GRAMD1B: variants seen among roughly 807,000 people sequenced by gnomAD.
GRAMD1B encodes the protein protein Aster-B.
Under a neutral mutation model 99.7 loss-of-function variants are expected in GRAMD1B, and 37 were observed. That is an observed-to-expected ratio of 0.37 (90% CI 0.29 to 0.49). The LOEUF (loss-of-function observed/expected upper bound fraction) is 0.49, where lower values mean the gene tolerates loss of function less well. Ranked by LOEUF, GRAMD1B falls within the 20% of genes least tolerant of loss-of-function variation. The pLI, the probability that GRAMD1B is intolerant of heterozygous loss-of-function variation, is 0.98. For synonymous variants in GRAMD1B, 427 were observed against 387.6 expected, an observed-to-expected ratio of 1.10 and a Z score of -1.19; for missense variants, 888 against 1,009.2, an observed-to-expected ratio of 0.88 and a Z score of 1.63.
intron 11 of GRAMD1B, 30 bp from the exon 12 acceptor site, chr11:123,608,629 G>A (rs1336500856): frequency 6.4e-7 from 1 of 1,571,466 alleles, no homozygotes; most frequent in Non-Finnish European, 8.6e-7. Flanking sequence ...CGCTGTCACT[G>A]TCTACTTCCT....
chr11:123,541,706 T>G (rs563639383), intron 2 of GRAMD1B, among the ~76,000 whole-genome samples: 1 of 152,290 alleles, frequency 6.6e-6, no homozygotes, highest in South Asian at 2.1e-4. Flanking sequence ...CTATATAAGT[T>G]TGTTGGTTTG....
At chr11:123,472,748 T>G (rs1255163317) in intron 1 of GRAMD1B, among the ~76,000 whole-genome samples, 3 of 152,152 alleles carry the variant, frequency 2.0e-5, no homozygotes, top group African/African-American at 7.2e-5. Context: ...GGCTGGCCAC[T>G]CCACCCTAAT....
At chr11:123,452,022 C>T (rs914505136) in intron 1 of GRAMD1B, among the ~76,000 whole-genome samples, 1 of 152,156 alleles carries the variant, frequency 6.6e-6, no homozygotes, top group East Asian at 1.9e-4. Context: ...TTTATAGAGA[C>T]AGGGTCTCAC....
chr11:123,560,974 G>A (rs1464561451), intron 2 of GRAMD1B, among the ~76,000 whole-genome samples: 1 of 152,144 alleles, frequency 6.6e-6, no homozygotes. Context: ...ACATCATGCT[G>A]CAGAGATGCC....
At chr11:123,560,522 A>G in intron 2 of GRAMD1B, 1 of 1,269,250 alleles carries the variant, frequency 7.9e-7, no homozygotes. Flanking sequence ...TGGGATGGTC[A>G]TGGAGGTGAG....
chr11:123,423,597 A>G (rs757486189), intron 1 of GRAMD1B, among the ~76,000 whole-genome samples: 1 of 152,174 alleles, frequency 6.6e-6, no homozygotes, highest in Non-Finnish European at 1.5e-5. Context: ...TGACCACTCT[A>G]CTGAAATTGT....
chr11:123,514,588 A>G (rs940713409), intron 2 of GRAMD1B, among the ~76,000 whole-genome samples: 3 of 152,224 alleles, frequency 2.0e-5, no homozygotes, highest in Non-Finnish European at 2.9e-5. Flanking sequence ...GGGCACGACA[A>G]GTAGCTTGGC....
intron 1 of GRAMD1B, among the ~76,000 whole-genome samples, chr11:123,441,538 T>G (rs186996285): frequency 6.6e-6 from 1 of 152,126 alleles, no homozygotes; most frequent in East Asian, 1.9e-4. Context: ...TCCCAGAATT[T>G]TGGGAGGCCA....
At chr11:123,614,884 C>G in intron 17 of GRAMD1B, 49 bp downstream of exon 17, 1 of 1,075,514 alleles carries the variant, frequency 9.3e-7, no homozygotes, top group Non-Finnish European at 1.4e-6. Flanking sequence ...CTTCCCTTTC[C>G]AGCCTGGTGC....
In GRAMD1B at chr11:123,616,686, G is replaced by T. The variant is rs151125749; in HGVS notation, c.2318+1851G>T. The stretch of plus-strand genomic sequence containing the variant: ...AGCACAGCTTGCCCTGTGTCTGGCA[G>T]GCTCTTGCCCCCACATGCCTGCTGC... On this transcript the variant is annotated intron_variant, in intron 17 of 19. Transcript: ENST00000635736. Among the ~76,000 whole-genome samples, 301 of 152,370 alleles carry T rather than the reference G, an allele frequency of 2.0e-3. 2 individuals carry two copies. Among genetic ancestry groups the T allele is most frequent in the African/African-American group, 7.1e-3 (294 of 41,588 alleles).
intron 1 of GRAMD1B, among the ~76,000 whole-genome samples, chr11:123,366,088 C>T (rs1178089556): frequency 6.6e-6 from 1 of 152,190 alleles, no homozygotes; most frequent in Non-Finnish European, 1.5e-5. Flanking sequence ...TGGGGCCATT[C>T]CCTCTATTTG....
Position 123,461,009 on chromosome 11 carries a change from T to C in GRAMD1B, c.375-19807T>C, listed in dbSNP as rs77404996. Among the ~76,000 whole-genome samples, 52 of 152,312 alleles carry C rather than the reference T, an allele frequency of 3.4e-4. No individual in the cohort carries two copies. In the East Asian group the frequency reaches 5.0e-3, roughly 15 times the overall value. ...CTCGTGACCTTTTGGAATTCACATA[T>C]TTTTGGCTTTTTAAGAGGTTTGGCT... is the stretch of plus-strand genomic sequence containing the variant. On this transcript the variant is annotated intron_variant, in intron 1 of 19. Coordinates refer to ENST00000635736, the MANE Select transcript of GRAMD1B (RefSeq NM_001387025.1).
chr11:123,556,174 C>T, intron 2 of GRAMD1B, among the ~76,000 whole-genome samples: 1 of 152,238 alleles, frequency 6.6e-6, no homozygotes, highest in East Asian at 1.9e-4. Flanking sequence ...GACTATGCTT[C>T]AGAAAAGCAC....
intron 2 of GRAMD1B, among the ~76,000 whole-genome samples, chr11:123,499,056 A>G (rs150922337): frequency 6.6e-6 from 1 of 152,266 alleles, no homozygotes; most frequent in East Asian, 1.9e-4. Flanking sequence ...GGGCCTTTTG[A>G]TACGTAGCTT....
chr11:123,380,185 C>T (rs1046313989), intron 1 of GRAMD1B, among the ~76,000 whole-genome samples: 5 of 152,164 alleles, frequency 3.3e-5, no homozygotes, highest in Non-Finnish European at 5.9e-5. Flanking sequence ...ATTTCGATGA[C>T]GTCCAGTTCA....
At chr11:123,619,498 T>C in intron 19 of GRAMD1B, 1 of 1,231,526 alleles carries the variant, frequency 8.1e-7, no homozygotes, top group East Asian at 5.0e-5. Context: ...ACTCTTTTTA[T>C]TTTTATTTTT....
intron 2 of GRAMD1B, among the ~76,000 whole-genome samples, chr11:123,485,226 G>A (rs1951825371): frequency 6.6e-6 from 1 of 152,062 alleles, no homozygotes; most frequent in Non-Finnish European, 1.5e-5. Context: ...CATAGAGCAG[G>A]CAAAAAAATT....
rs750502378 is a variant in GRAMD1B at position 123,492,950 on chromosome 11, T to C, written c.452+12057T>C. On this transcript the variant is annotated intron_variant, in intron 2 of 19. Coordinates refer to ENST00000635736, the MANE Select transcript of GRAMD1B (RefSeq NM_001387025.1). The surrounding 1 kb of genome is among the most constrained non-coding windows in gnomAD (Gnocchi z 4.2). Reference sequence around the variant, plus strand: ...GCTGTCTATTGACAAGGGTTTCTCATGGCTAAAGTTTTGGGGCTGGTGAGC... The same window carrying C: ...GCTGTCTATTGACAAGGGTTTCTCACGGCTAAAGTTTTGGGGCTGGTGAGC... 2.0e-5 allele frequency among the ~76,000 whole-genome samples: 3 copies of C among 151,936 alleles called. No homozygotes were observed. The highest frequency in any genetic ancestry group is 4.4e-5 in the Non-Finnish European group (3 of 67,994).
At chr11:123,414,106 A>G (rs977312917) in intron 1 of GRAMD1B, among the ~76,000 whole-genome samples, 3 of 151,060 alleles carry the variant, frequency 2.0e-5, no homozygotes, top group African/African-American at 7.3e-5. Flanking sequence ...ATGAAGTGGC[A>G]GGATCTTGGC....
Sources: allele counts gnomAD v4.1 joint callset (sites outside exome capture counted in the v4.1 genomes callset), GRCh38; gene constraint gnomAD v4.1.1; non-coding constraint Gnocchi (gnomAD v3.1); transcripts MANE v1.5; gene names NCBI Gene and HGNC (gene_info 2026-07-23, HGNC 2026-07-21).